Variants in PTPRD observed in about 807,000 individuals in gnomAD.
PTPRD encodes protein tyrosine phosphatase receptor type D, also known as receptor-type tyrosine-protein phosphatase delta.
A neutral mutation model predicts 214.5 loss-of-function variants in PTPRD; 34 were observed. The ratio of observed to expected loss-of-function variants is 0.16; its 90% CI spans 0.12 to 0.21. The LOEUF (loss-of-function observed/expected upper bound fraction) is 0.21. Among genes scored for constraint, PTPRD ranks in the 10% least tolerant of loss-of-function variants. PTPRD has a pLI of 1.00. For synonymous variants in PTPRD, 1,128 were observed against 845.7 expected (o/e 1.33, Z -5.79); for missense variants, 2,545 against 2,398.7 (o/e 1.06, Z -1.27).
chr9:8,577,123 C>G (rs1043095232), intron 14 of PTPRD, among the ~76,000 whole-genome samples: 4 of 152,140 alleles, frequency 2.6e-5, no homozygotes, highest in African/African-American at 9.7e-5. Context: ...TCCACTCTCC[C>G]CACCATGACC....
intron 2 of PTPRD, among the ~76,000 whole-genome samples, chr9:10,483,010 G>A (rs1420056651): frequency 6.6e-6 from 1 of 152,100 alleles, no homozygotes; most frequent in African/African-American, 2.4e-5. Context: ...CAAATCTGGA[G>A]GCATCGTATG....
chr9:8,768,456 A>C (rs1347698035), intron 11 of PTPRD, among the ~76,000 whole-genome samples: 1 of 152,146 alleles, frequency 6.6e-6, no homozygotes, highest in African/African-American at 2.4e-5. Flanking sequence ...GGAAGCTGAG[A>C]GGTGGAAGAA....
chr9:8,781,661 T>G (rs1321571405), intron 11 of PTPRD, among the ~76,000 whole-genome samples: 1 of 14,546 alleles, frequency 6.9e-5, no homozygotes, highest in Non-Finnish European at 9.5e-5. Context: ...GGGGCAGTGC[T>G]TTAATGAAAT....
chr9:9,808,363 C>T (rs2046085882), intron 5 of PTPRD, among the ~76,000 whole-genome samples: 1 of 152,130 alleles, frequency 6.6e-6, no homozygotes, highest in Non-Finnish European at 1.5e-5. Flanking sequence ...TTGGAATTTC[C>T]TTATCTGACC....
At chr9:9,469,654 T>C (rs1184120594) in intron 8 of PTPRD, among the ~76,000 whole-genome samples, 2 of 152,210 alleles carry the variant, frequency 1.3e-5, no homozygotes, top group Admixed American at 6.5e-5. Flanking sequence ...TTACGGTGGA[T>C]GTGCAGTAGA....
At chr9:8,603,093 C>T (rs1196933077) in intron 14 of PTPRD, among the ~76,000 whole-genome samples, 1 of 152,116 alleles carries the variant, frequency 6.6e-6, no homozygotes, top group Non-Finnish European at 1.5e-5. Context: ...ATTCTATTAC[C>T]TGCAAGATGA....
chr9:9,252,145 A>C (rs983833622), intron 9 of PTPRD, among the ~76,000 whole-genome samples: 2 of 152,022 alleles, frequency 1.3e-5, no homozygotes, highest in African/African-American at 4.8e-5. Context: ...GCCACCCCAA[A>C]ATATGCCTCT....
rs1369344640 is a variant in PTPRD at position 8,465,329 on chromosome 9, GC to G, written c.3714+136del. ...ATATTGAGCAATGTTCAAAGAGTAG[GC>G]AGCCTGTTATTACACTTAATAACAG... On this transcript the variant is annotated intron_variant, in intron 32 of 45. Transcript: ENST00000381196. 17 of 729,636 alleles carry G rather than the reference GC, an allele frequency of 2.3e-5. No homozygotes were observed. The East Asian group carries it at 3.4e-4, about 15-fold the overall frequency. The allele number at this position is 729,636 out of a possible 1,614,324, so 45.2% of individuals were successfully genotyped here.
intron 12 of PTPRD, among the ~76,000 whole-genome samples, chr9:8,721,356 G>C (rs530742543): frequency 5.0e-4 from 73 of 146,980 alleles, no homozygotes; most frequent in African/African-American, 1.8e-3. Flanking sequence ...CTTGAACCTA[G>C]GAGTCAGAGG....
intron 8 of PTPRD, among the ~76,000 whole-genome samples, chr9:9,407,530 T>C (rs926488940): frequency 1.3e-5 from 2 of 151,794 alleles, no homozygotes; most frequent in African/African-American, 4.8e-5. Flanking sequence ...GAAGAAATTT[T>C]TGTCCTATCC....
intron 11 of PTPRD, among the ~76,000 whole-genome samples, chr9:8,949,730 G>T (rs2099091533): frequency 6.6e-6 from 1 of 152,018 alleles, no homozygotes; most frequent in African/African-American, 2.4e-5. Flanking sequence ...AAAATATTTT[G>T]TCTATCTAAG....
intron 7 of PTPRD, among the ~76,000 whole-genome samples, chr9:9,658,672 C>A (rs1223286919): frequency 6.6e-6 from 1 of 152,046 alleles, no homozygotes; most frequent in Non-Finnish European, 1.5e-5. Context: ...TGAAAAATGC[C>A]ACCATTCAAG....
At chr9:9,150,201 C>G (rs2099875445) in intron 10 of PTPRD, among the ~76,000 whole-genome samples, 1 of 151,960 alleles carries the variant, frequency 6.6e-6, no homozygotes, top group Admixed American at 6.6e-5. Context: ...GTGCTTTTTA[C>G]CATCAGAGGG....
intron 31 of PTPRD, 95 bp downstream of exon 31, chr9:8,470,900 C>A: frequency 9.2e-7 from 1 of 1,088,734 alleles, no homozygotes; most frequent in African/African-American, 1.6e-5. Context: ...AAGCCAGCAC[C>A]CAGATTAGAT....
At chr9:9,666,519 A>G (rs1778297842) in intron 7 of PTPRD, among the ~76,000 whole-genome samples, 1 of 152,006 alleles carries the variant, frequency 6.6e-6, no homozygotes, top group South Asian at 2.1e-4. Flanking sequence ...GCTCAATTTT[A>G]CCAAAACAAT....
At chr9:9,316,840 T>G (rs2099250519) in intron 9 of PTPRD, among the ~76,000 whole-genome samples, 1 of 152,138 alleles carries the variant, frequency 6.6e-6, no homozygotes, top group Admixed American at 6.5e-5. Flanking sequence ...CTTTTATGAG[T>G]CTTCAGTGAA....
chr9:10,120,411 G>C (rs1482667872), intron 3 of PTPRD, among the ~76,000 whole-genome samples: 1 of 151,880 alleles, frequency 6.6e-6, no homozygotes, highest in Admixed American at 6.6e-5. Flanking sequence ...AGGAAACTGA[G>C]AACTAAAGAG....
At position 9,326,524 on chromosome 9, in the gene PTPRD, T is replaced by G. The variant is rs1332807723; in HGVS notation, c.-203+70925A>C. ...GCTAGTAAGTGAGGGGTAATAATTA[T>G]AATTAGAAAACAAATATTCGAACCC... On this transcript the variant is annotated intron_variant, in intron 9 of 45. Coordinates refer to ENST00000381196, the MANE Select transcript of PTPRD (RefSeq NM_002839.4). 2.0e-5 allele frequency among the ~76,000 whole-genome samples: 3 copies of G among 151,910 alleles called. No homozygotes were observed. The East Asian group carries it at 5.8e-4, about 29-fold the overall frequency.
chr9:9,545,649 T>G (rs948491507), intron 8 of PTPRD, among the ~76,000 whole-genome samples: 1 of 151,888 alleles, frequency 6.6e-6, no homozygotes, highest in East Asian at 1.9e-4. Flanking sequence ...CTGATTTCTT[T>G]ATTCTGTTAC....
Sources: gnomAD v4.1 joint callset for allele counts (sites outside exome capture counted in the v4.1 genomes callset) on GRCh38, gnomAD v4.1.1 for gene constraint, MANE v1.5 for transcripts, NCBI Gene and HGNC (gene_info 2026-07-23, HGNC 2026-07-21) for gene names.